Variants in PLD2 observed in about 807,000 individuals in gnomAD.
PLD2 encodes choline phosphatase 2.
A neutral mutation model predicts 119.8 loss-of-function variants in PLD2; 101 were observed. The ratio of observed to expected loss-of-function variants is 0.84; its 90% CI spans 0.72 to 0.99. The LOEUF (loss-of-function observed/expected upper bound fraction) is 0.99. Ranked by LOEUF, PLD2 falls within the 50% of genes least tolerant of loss-of-function variation. PLD2 has a pLI of 0.00. For synonymous variants in PLD2, 494 were observed against 482.8 expected (o/e 1.02, Z -0.30); for missense variants, 1,164 against 1,226.8 (o/e 0.95, Z 0.76).
At position 4,810,825 on chromosome 17, in the gene PLD2, G is replaced by C; in HGVS notation, c.884G>C (p.Ser295Thr). 1 of 1,613,204 alleles carries C rather than the reference G, an allele frequency of 6.2e-7. No individual in the cohort carries two copies. Residue 295 changes from serine (S) to threonine (T), a missense_variant, in exon 10 of 25, where the codon AGC becomes ACC. By Grantham distance (58) the Ser-to-Thr change is moderately conservative. Coordinates refer to ENST00000263088, the MANE Select transcript of PLD2 (RefSeq NM_002663.5). ...AGGTCCTTGATTCTCAAGTGCAGCA[G>C]CTACCGGCAGGCACGGTGGTGGGCC... ...SHRSLILKCSSYRQARWWAQE... is the reference protein window; with the variant it reads ...SHRSLILKCSTYRQARWWAQE...
Position 4,808,553 on chromosome 17 carries a change from G to A in PLD2, c.383+137G>A, listed in dbSNP as rs988919796. The stretch of plus-strand genomic sequence containing the variant: ...TGCCTCCCCTGACCCCAGTTACCAG[G>A]AAACTTTCCCTGCTCAGCTTTCCCT... On this transcript the variant is annotated intron_variant, in intron 4 of 24. Transcript: ENST00000263088. This position sits in a 1 kb window ranked among gnomAD's most constrained non-coding sequence, Gnocchi z 4.1. The A allele has an allele frequency of 3.0e-5, 24 of 810,124 alleles. No individual in the cohort carries two copies. The highest frequency in any genetic ancestry group is 4.6e-5 in the Non-Finnish European group (23 of 501,530). The allele number at this position is 810,124 out of a possible 1,614,324, so 50.2% of individuals were successfully genotyped here.
At chr17:4,818,254 C>T (rs1463851164) in intron 18 of PLD2, 43 bp from the exon 19 acceptor site, 1 of 1,564,096 alleles carries the variant, frequency 6.4e-7, no homozygotes, top group Non-Finnish European at 8.8e-7. Flanking sequence ...AGGACAGGGC[C>T]AGGGGCCAGG....
At chr17:4,821,048 G>A (rs1231596000) in intron 23 of PLD2, among the ~76,000 whole-genome samples, 4 of 150,514 alleles carry the variant, frequency 2.7e-5, no homozygotes, top group Admixed American at 6.6e-5. Context: ...GATTACAGGC[G>A]CCCGCCACCA....
intron 5 of PLD2, 34 bp from the exon 6 acceptor site, chr17:4,809,264 A>G: frequency 6.2e-7 from 1 of 1,608,482 alleles, no homozygotes; most frequent in Non-Finnish European, 8.5e-7. Context: ...GCTCGGTCCC[A>G]TCTGTCTCTC....
chr17:4,810,995 G>C, intron 10 of PLD2, 44 bp downstream of exon 10: 1 of 1,566,884 alleles, frequency 6.4e-7, no homozygotes, highest in Non-Finnish European at 8.6e-7. Flanking sequence ...TGGCTTTCTT[G>C]ACCCCCTGTG....
chr17:4,809,470 C>T (rs757239787), intron 6 of PLD2, 23 bp from the exon 7 acceptor site: 26 of 1,608,056 alleles, frequency 1.6e-5, no homozygotes, highest in East Asian at 2.2e-5. Context: ...GTGTCTCCTC[C>T]GGGCTTTTGT....
chr17:4,820,008 G>A (rs572346938), intron 23 of PLD2, among the ~76,000 whole-genome samples: 33 of 149,656 alleles, frequency 2.2e-4, no homozygotes, highest in Middle Eastern at 3.6e-3. Flanking sequence ...GTGCAATGGC[G>A]AGATCTCAGC....
In PLD2 at chr17:4,807,904, C is replaced by T. The variant is rs1906034500; in HGVS notation, c.109+23C>T. On this transcript the variant is annotated intron_variant, in intron 2 of 24. Coordinates refer to ENST00000263088, the MANE Select transcript of PLD2 (RefSeq NM_002663.5). The surrounding 1 kb of genome is among the most constrained non-coding windows in gnomAD (Gnocchi z 5.4). ...CAGGTACACAGGGAAGATGGATGGC[C>T]CTCAGGGAGGAGAGGCGTTCGGGAG... is the stretch of plus-strand genomic sequence containing the variant. The T allele has an allele frequency of 6.2e-7, 1 of 1,609,626 alleles. No homozygotes were observed. Among genetic ancestry groups the T allele is most frequent in the Non-Finnish European group, 8.5e-7 (1 of 1,176,390 alleles).
intron 10 of PLD2, among the ~76,000 whole-genome samples, chr17:4,812,003 A>G (rs1285890241): frequency 6.9e-6 from 1 of 145,700 alleles, no homozygotes; most frequent in Non-Finnish European, 1.5e-5. Flanking sequence ...TTTTTTTACA[A>G]AAAATTTTAA....
Position 4,817,131 on chromosome 17 carries a change from A to C in PLD2, c.1702-15A>C. Reference sequence around the variant, plus strand: ...ATTGGCACCTCCTGCTGACTCTGCCATCCCTCCACGTCAGACCACCAAGGC... The same window carrying C: ...ATTGGCACCTCCTGCTGACTCTGCCCTCCCTCCACGTCAGACCACCAAGGC... On this transcript the variant is annotated splice_polypyrimidine_tract_variant and intron_variant, in intron 16 of 24. Coordinates refer to ENST00000263088, the MANE Select transcript of PLD2 (RefSeq NM_002663.5). 6.9e-6 allele frequency: 11 copies of C among 1,603,280 alleles called. No homozygotes were observed. Among genetic ancestry groups the C allele is most frequent in the Non-Finnish European group, 9.4e-6 (11 of 1,169,998 alleles).
In PLD2 at chr17:4,817,812, G is replaced by T; in HGVS notation, c.1816-190G>T. On this transcript the variant is annotated intron_variant, in intron 17 of 24. Coordinates refer to ENST00000263088, the MANE Select transcript of PLD2 (RefSeq NM_002663.5). ...TCTCTACTAAAAATACAAAAAATTA[G>T]CCGGGAGTGGTGGTGCGTACCTGTA... 6.2e-6 allele frequency: 3 copies of T among 482,694 alleles called. No individual in the cohort carries two copies. The East Asian group carries it at 1.2e-4, about 19-fold the overall frequency. The allele number at this position is 482,694 out of a possible 1,614,324, so 29.9% of individuals were successfully genotyped here. A position where few individuals can be genotyped will look rare whatever the true frequency, so the allele number is the denominator to read the frequency against.
At chr17:4,820,566 A>AG (rs1342010755) in intron 23 of PLD2, among the ~76,000 whole-genome samples, 5 of 148,862 alleles carry the variant, frequency 3.4e-5, no homozygotes, top group Admixed American at 2.7e-4. Flanking sequence ...CAAAAAAAAA[A>AG]AAAAATCTTT....
chr17:4,816,618 A>T lies in PLD2; in HGVS notation c.1456-2A>T. 3 of 1,613,332 alleles carry T rather than the reference A, an allele frequency of 1.9e-6. No homozygotes were observed. Among genetic ancestry groups the T allele is most frequent in the Non-Finnish European group, 2.5e-6 (3 of 1,179,616 alleles). On this transcript the variant is annotated splice_acceptor_variant, in intron 14 of 24. Transcript: ENST00000263088. LOFTEE classifies it high-confidence loss of function. The stretch of plus-strand genomic sequence containing the variant: ...CCTGGCTTGGGTGTGTTCCCCCTAC[A>T]GCCTCCCACCCCGCGCCCAGACTCA...
intron 12 of PLD2, 102 bp downstream of exon 12, chr17:4,814,813 G>A: frequency 1.9e-6 from 2 of 1,042,478 alleles, no homozygotes; most frequent in South Asian, 2.7e-5. Flanking sequence ...GAGGCTTCAG[G>A]GGAGGGAAAA....
rs995693521 is a variant in PLD2 at position 4,817,815 on chromosome 17, G to A, written c.1816-187G>A. The A allele has an allele frequency of 1.1e-4, 52 of 491,022 alleles. 3 individuals are homozygous for A. Among genetic ancestry groups the A allele is most frequent in the South Asian group, 9.0e-4 (40 of 44,672 alleles). The allele number at this position is 491,022 out of a possible 1,614,324, so 30.4% of individuals were successfully genotyped here. On this transcript the variant is annotated intron_variant, in intron 17 of 24. Transcript: ENST00000263088. ...CTACTAAAAATACAAAAAATTAGCC[G>A]GGAGTGGTGGTGCGTACCTGTAGTC... is the stretch of plus-strand genomic sequence containing the variant.
At chr17:4,814,589 G>A in intron 11 of PLD2, 44 bp from the exon 12 acceptor site, 4 of 1,613,418 alleles carry the variant, frequency 2.5e-6, no homozygotes, top group Non-Finnish European at 3.4e-6. Context: ...GCAGCTGGTG[G>A]TCTGGGGCTT....
At chr17:4,810,263 A>G (rs1370480810) in intron 9 of PLD2, among the ~76,000 whole-genome samples, 1 of 152,138 alleles carries the variant, frequency 6.6e-6, no homozygotes, top group African/African-American at 2.4e-5. Flanking sequence ...ACATAAACGA[A>G]ATTCCATTTG....
rs375519232 is a variant in PLD2, at chr17:4,809,601, T to C, written c.614+50T>C. On this transcript the variant is annotated intron_variant, in intron 7 of 24. Coordinates refer to ENST00000263088, the MANE Select transcript of PLD2 (RefSeq NM_002663.5). The stretch of plus-strand genomic sequence containing the variant: ...AGGCATCCGTAGACATCACTCTTAA[T>C]TTCTCCCTGCCTGAGATTGGGGCAA... 3.1e-6 allele frequency: 5 copies of C among 1,609,312 alleles called. No homozygotes were observed. The African/African-American group carries it at 5.3e-5, about 17-fold the overall frequency.
Position 4,808,353 on chromosome 17 carries a change from T to G in PLD2, c.320T>G (p.Phe107Cys). ...SWTTKKKYRH[F>C]QELHRDLLRH... is the part of the protein sequence containing the mutation. ...ACAACCAAGAAGAAATACCGTCATT[T>G]TCAGGAGCTGCATCGGGACCTCCTG... Residue 107 changes from phenylalanine (F) to cysteine (C), a missense_variant, in exon 4 of 25, where the codon TTT becomes TGT. Phe to Cys is a radical substitution (Grantham distance 205). Transcript: ENST00000263088. This position sits in a 1 kb window ranked among gnomAD's most constrained non-coding sequence, Gnocchi z 4.1. The G allele has an allele frequency of 6.2e-7, 1 of 1,614,066 alleles. No homozygotes were observed. The highest frequency in any genetic ancestry group is 8.5e-7 in the Non-Finnish European group (1 of 1,179,954).
Sources: gnomAD v4.1 joint callset for allele counts (sites outside exome capture counted in the v4.1 genomes callset) on GRCh38, gnomAD v4.1.1 for gene constraint, Gnocchi (gnomAD v3.1) non-coding constraint, MANE v1.5 for transcripts, NCBI Gene and HGNC (gene_info 2026-07-23, HGNC 2026-07-21) for gene names.